The following CPE variants were observed in gnomAD, a reference collection of about 807,000 sequenced individuals.
CPE encodes the protein carbocypeptidase E.
In CPE, 17 loss-of-function variants were observed where a neutral mutation model predicts 53.5. The ratio of observed to expected loss-of-function variants is 0.32; its 90% CI spans 0.22 to 0.48. CPE has a LOEUF of 0.48. Ranked by LOEUF, CPE falls within the 20% of genes least tolerant of loss-of-function variation. The pLI, the probability that CPE is intolerant of heterozygous loss-of-function variation, is 0.99. For synonymous variants in CPE, 226 were observed against 228.8 expected (o/e 0.99, Z 0.11); for missense variants, 524 against 614.7 (o/e 0.85, Z 1.56).
intron 4 of CPE, 41 bp downstream of exon 4, chr4:165,482,400 T>A (rs1255718492): frequency 2.2e-6 from 3 of 1,364,120 alleles, no homozygotes; most frequent in Non-Finnish European, 3.1e-6. Context: ...TCAAAGTTTA[T>A]AACACTGTAC....
chr4:165,478,378 C>G (rs1428636404), intron 3 of CPE, among the ~76,000 whole-genome samples: 2 of 152,108 alleles, frequency 1.3e-5, no homozygotes, highest in African/African-American at 4.8e-5. Context: ...TTTAATTTAT[C>G]AAATTGTAGA....
intron 1 of CPE, among the ~76,000 whole-genome samples, chr4:165,411,304 A>G (rs555041960): frequency 1.6e-4 from 25 of 152,128 alleles, no homozygotes; most frequent in Non-Finnish European, 2.8e-4. Flanking sequence ...TAAACTATAC[A>G]ACTTTTTCTT....
chr4:165,454,570 T>C (rs1028186963), intron 1 of CPE, among the ~76,000 whole-genome samples: 1 of 152,228 alleles, frequency 6.6e-6, no homozygotes, highest in South Asian at 2.1e-4. Flanking sequence ...TTTATCTGTG[T>C]CTGCTAGAAC....
intron 6 of CPE, among the ~76,000 whole-genome samples, chr4:165,492,607 C>T (rs1433147554): frequency 6.6e-6 from 1 of 152,118 alleles, no homozygotes; most frequent in Non-Finnish European, 1.5e-5. Flanking sequence ...AGGGGGACCG[C>T]ATGAGAGGGT....
In CPE at chr4:165,379,139, G is replaced by T. The variant is rs1253045700; in HGVS notation, c.-83G>T. 1 of 1,153,968 alleles carries T rather than the reference G, an allele frequency of 8.7e-7. No homozygotes were observed. The allele number at this position is 1,153,968 out of a possible 1,614,324, so 71.5% of individuals were successfully genotyped here. On this transcript the variant is annotated 5_prime_UTR_variant, in exon 1 of 9. Transcript: ENST00000402744. This position sits in a 1 kb window ranked among gnomAD's most constrained non-coding sequence, Gnocchi z 6.0. The stretch of plus-strand genomic sequence containing the variant: ...TGCGGAACTTGCCGCCCCCAGCAGC[G>T]CCGGCGGGCTAAGCCCAGGGCCGGG...
intron 1 of CPE, among the ~76,000 whole-genome samples, chr4:165,435,657 A>G (rs1731487530): frequency 6.6e-6 from 1 of 152,208 alleles, no homozygotes; most frequent in Admixed American, 6.5e-5. Flanking sequence ...AAAAAATAAC[A>G]TTACACATAA....
rs577170236 is a variant in CPE at position 165,498,450 on chromosome 4, T to C, written c.*840T>C. ...ATTTTAAAATTTGTTAAGCAACTAC[T>C]GTGTGCTAAGCACTGCATAGCCTCT... On this transcript the variant is annotated 3_prime_UTR_variant, in exon 9 of 9. Transcript: ENST00000402744. 6.6e-6 allele frequency: 1 copy of C among 152,332 alleles called. No individual in the cohort carries two copies. Among genetic ancestry groups the C allele is most frequent in the South Asian group, 2.1e-4 (1 of 4,832 alleles). The allele number at this position is 152,332 out of a possible 1,614,324, so 9.4% of individuals were successfully genotyped here. A position where few individuals can be genotyped will look rare whatever the true frequency, so the allele number is the denominator to read the frequency against.
Position 165,482,433 on chromosome 4 carries a change from G to C in CPE, c.790+74G>C, listed in dbSNP as rs1278224979. The C allele has an allele frequency of 7.4e-6, 8 of 1,075,816 alleles. No individual in the cohort carries two copies. The South Asian group carries it at 1.1e-4, about 14-fold the overall frequency. The allele number at this position is 1,075,816 out of a possible 1,614,324, so 66.6% of individuals were successfully genotyped here. Reference sequence around the variant, plus strand: ...TACAAGGTTTTATAAGATGATTTCTGTAATTTTTTTTAAGGAACTGAACAT... The same window carrying C: ...TACAAGGTTTTATAAGATGATTTCTCTAATTTTTTTTAAGGAACTGAACAT... On this transcript the variant is annotated intron_variant, in intron 4 of 8. Coordinates refer to ENST00000402744, the MANE Select transcript of CPE (RefSeq NM_001873.4).
At chr4:165,414,698 CACACACACACACAT>C (rs888662237) in intron 1 of CPE, among the ~76,000 whole-genome samples, 2 of 74,348 alleles carry the variant, frequency 2.7e-5, no homozygotes, top group Non-Finnish European at 6.6e-5. Flanking sequence ...TATATATATA[CACACACACACACAT>C]ACACACACAC....
At chr4:165,396,640 C>T (rs1476277056) in intron 1 of CPE, among the ~76,000 whole-genome samples, 1 of 147,354 alleles carries the variant, frequency 6.8e-6, no homozygotes, top group Admixed American at 6.8e-5. Flanking sequence ...CACTGCACTC[C>T]AGCCTGGGCA....
Position 165,482,259 on chromosome 4 carries a change from G to A in CPE, c.690G>A (p.Lys230=). The A allele has an allele frequency of 6.2e-7, 1 of 1,612,752 alleles. No individual in the cohort carries two copies. Among genetic ancestry groups the A allele is most frequent in the Non-Finnish European group, 8.5e-7 (1 of 1,178,968 alleles). ...CTGAACAGCTTGCTCCTGAGACCAA[G>A]GCTGTCATTCATTGGATTATGGATA... ...DQNTKLAPET[K]AVIHWIMDIP... The change falls in exon 4 of 9, where the codon AAG becomes AAA. Residue 230 remains lysine, a synonymous_variant. Coordinates refer to ENST00000402744, the MANE Select transcript of CPE (RefSeq NM_001873.4).
At chr4:165,435,633 T>C (rs1731487242) in intron 1 of CPE, among the ~76,000 whole-genome samples, 2 of 152,212 alleles carry the variant, frequency 1.3e-5, no homozygotes, top group African/African-American at 2.4e-5. Flanking sequence ...CCATAAAAGA[T>C]GTAGAAGGGA....
Position 165,379,581 on chromosome 4 carries a change from G to A in CPE, c.307+53G>A, listed in dbSNP as rs1369672974. 1.3e-5 allele frequency: 18 copies of A among 1,369,274 alleles called. No individual in the cohort carries two copies. Among genetic ancestry groups the A allele is most frequent in the Non-Finnish European group, 1.7e-5 (18 of 1,029,654 alleles). 84.8% of individuals were successfully genotyped at this position (1,369,274 alleles called of 1,614,324 possible). A position where few individuals can be genotyped will look rare whatever the true frequency, so the allele number is the denominator to read the frequency against. ...GGGGGCATCCCGGAGGGGGGCGGCA[G>A]AGGGTGGGACTGGTGGCGGTGGGGG... On this transcript the variant is annotated intron_variant, in intron 1 of 8. Coordinates refer to ENST00000402744, the MANE Select transcript of CPE (RefSeq NM_001873.4). The surrounding 1 kb of genome is among the most constrained non-coding windows in gnomAD (Gnocchi z 6.0).
intron 1 of CPE, among the ~76,000 whole-genome samples, chr4:165,424,918 A>G (rs1731292591): frequency 6.9e-6 from 1 of 144,764 alleles, no homozygotes; most frequent in African/African-American, 2.6e-5. Context: ...TTTGTCGCCC[A>G]GGCTAGCATG....
intron 1 of CPE, among the ~76,000 whole-genome samples, chr4:165,388,834 TCA>T (rs10544883): frequency 0.19 from 28,943 of 152,170 alleles, 3,087 homozygotes; most frequent in African/African-American, 0.3. Flanking sequence ...TCAAACATTT[TCA>T]TTTGTCTCAG....
chr4:165,391,882 G>A (rs1730686465), intron 1 of CPE, among the ~76,000 whole-genome samples: 1 of 152,034 alleles, frequency 6.6e-6, no homozygotes, highest in African/African-American at 2.4e-5. Flanking sequence ...AGGAGGTGGA[G>A]CTTTGAGCAG....
intron 1 of CPE, among the ~76,000 whole-genome samples, chr4:165,441,110 G>A (rs150641123): frequency 1.4e-4 from 21 of 152,220 alleles, no homozygotes; most frequent in African/African-American, 4.8e-4. Context: ...TTCCCAGGGG[G>A]TGACCACATG....
intron 1 of CPE, among the ~76,000 whole-genome samples, chr4:165,438,587 A>G (rs535155632): frequency 2.0e-5 from 3 of 152,258 alleles, no homozygotes; most frequent in South Asian, 2.1e-4. Context: ...TGGGTCCTAC[A>G]GTTTAGTGGG....
At chr4:165,466,045 G>A (rs932889361) in intron 2 of CPE, among the ~76,000 whole-genome samples, 3 of 152,116 alleles carry the variant, frequency 2.0e-5, no homozygotes, top group African/African-American at 7.2e-5. Context: ...GTACAGTGAT[G>A]CATCTCTTAA....
Sources: allele counts gnomAD v4.1 joint callset (sites outside exome capture counted in the v4.1 genomes callset), GRCh38; gene constraint gnomAD v4.1.1; non-coding constraint Gnocchi (gnomAD v3.1); transcripts MANE v1.5; gene names NCBI Gene and HGNC (gene_info 2026-07-23, HGNC 2026-07-21).